The following METTL16 variants were observed in gnomAD, a reference collection of about 807,000 sequenced individuals.
METTL16 encodes the protein methyltransferase 16, RNA N6-adenosine.
In METTL16, 19 loss-of-function variants were observed where a neutral mutation model predicts 57.9. The observed-to-expected ratio is 0.33, with a 90% CI of 0.23 to 0.48. The LOEUF is 0.48. Ranked by LOEUF, METTL16 falls within the 20% of genes least tolerant of loss-of-function variation. The pLI, the probability that METTL16 is intolerant of heterozygous loss-of-function variation, is 0.99. For synonymous variants in METTL16, 246 were observed against 255.6 expected (o/e 0.96, Z 0.36); for missense variants, 434 against 691.5 (o/e 0.63, Z 4.18).
chr17:2,437,774 T>G (rs1303970425), intron 8 of METTL16, among the ~76,000 whole-genome samples: 4 of 152,192 alleles, frequency 2.6e-5, no homozygotes, highest in Non-Finnish European at 5.9e-5. Context: ...GGTCTCAAAC[T>G]CCTGGCCTCA....
At chr17:2,474,401 A>AAG (rs2067255970) in intron 3 of METTL16, among the ~76,000 whole-genome samples, 2 of 151,156 alleles carry the variant, frequency 1.3e-5, no homozygotes, top group African/African-American at 4.9e-5. Flanking sequence ...AAAAAAAAAA[A>AAG]AAAAAAGCTA....
intron 2 of METTL16, among the ~76,000 whole-genome samples, chr17:2,481,942 CTG>C (rs2067309969): frequency 1.3e-5 from 2 of 152,098 alleles, no homozygotes; most frequent in African/African-American, 4.8e-5. Flanking sequence ...GTACATGAGG[CTG>C]CTTTTAGATG....
intron 7 of METTL16, among the ~76,000 whole-genome samples, chr17:2,439,485 TG>T (rs893403426): frequency 2.0e-5 from 3 of 152,040 alleles, no homozygotes; most frequent in African/African-American, 4.8e-5. Flanking sequence ...GTCATCCTAG[TG>T]GGAAGCACAG....
intron 2 of METTL16, among the ~76,000 whole-genome samples, chr17:2,500,804 A>AT (rs1404493040): frequency 6.6e-6 from 1 of 152,084 alleles, no homozygotes; most frequent in Non-Finnish European, 1.5e-5. Flanking sequence ...TGAAACACTT[A>AT]TACTATTATT....
intron 8 of METTL16, among the ~76,000 whole-genome samples, chr17:2,426,338 C>G (rs894784169): frequency 6.6e-6 from 1 of 152,178 alleles, no homozygotes; most frequent in African/African-American, 2.4e-5. Context: ...ACTACAGGTG[C>G]ACATCACCAC....
At chr17:2,502,373 A>C in intron 1 of METTL16, 42 bp from the exon 2 acceptor site, 5 of 1,598,944 alleles carry the variant, frequency 3.1e-6, no homozygotes, top group Non-Finnish European at 4.3e-6. Flanking sequence ...CATATTTATT[A>C]AAAACCATTA....
intron 2 of METTL16, among the ~76,000 whole-genome samples, chr17:2,485,883 C>A (rs1275073704): frequency 1.3e-5 from 2 of 152,142 alleles, no homozygotes; most frequent in Non-Finnish European, 2.9e-5. Context: ...ACTACTGACC[C>A]CCCCTAATTA....
chr17:2,472,171 G>C (rs896604529), intron 4 of METTL16, among the ~76,000 whole-genome samples: 1 of 150,034 alleles, frequency 6.7e-6, no homozygotes, highest in African/African-American at 2.4e-5. Flanking sequence ...AAGATATACA[G>C]ATGGTAAATA....
chr17:2,425,965 CACATGT>C (rs1490541107), intron 8 of METTL16, among the ~76,000 whole-genome samples: 1 of 149,530 alleles, frequency 6.7e-6, no homozygotes, highest in East Asian at 2.0e-4. Flanking sequence ...AAGAAACTTT[CACATGT>C]GGTGTAGCTT....
chr17:2,443,901 G>T (rs781659601), intron 6 of METTL16, among the ~76,000 whole-genome samples: 1 of 152,198 alleles, frequency 6.6e-6, no homozygotes, highest in Non-Finnish European at 1.5e-5. Flanking sequence ...AAGGGAAGAT[G>T]TTGGTGGGAG....
chr17:2,457,477 C>A (rs2067119835), intron 6 of METTL16, among the ~76,000 whole-genome samples: 1 of 151,826 alleles, frequency 6.6e-6, no homozygotes, highest in African/African-American at 2.4e-5. Context: ...GAGGCCGAGG[C>A]AGGCGGATAA....
chr17:2,477,590 A>T, intron 3 of METTL16, 96 bp downstream of exon 3: 1 of 903,332 alleles, frequency 1.1e-6, no homozygotes, highest in Non-Finnish European at 1.8e-6. Flanking sequence ...CTTCTTTTGT[A>T]CAACAACAAA....
intron 3 of METTL16, among the ~76,000 whole-genome samples, chr17:2,477,242 T>G (rs920751039): frequency 4.0e-4 from 61 of 152,322 alleles, no homozygotes; most frequent in African/African-American, 1.3e-3. Flanking sequence ...ATTTTCATTT[T>G]GTACTTCCCT....
chr17:2,445,472 GT>G (rs2066988478), intron 6 of METTL16, among the ~76,000 whole-genome samples: 1 of 152,096 alleles, frequency 6.6e-6, no homozygotes, highest in African/African-American at 2.4e-5. Context: ...TATTTGTCAA[GT>G]AAAAATAAAA....
chr17:2,477,894 TAAAGA>T lies in METTL16; in HGVS notation c.129-14_129-10del. On this transcript the variant is annotated splice_polypyrimidine_tract_variant and intron_variant, in intron 2 of 9. Transcript: ENST00000263092. ...GGTCTTTAAAATTAAGGCTGAGGAA[TAAAGA>T]AAAGGAAGTAAAACTGATTAGTAAG... The T allele has an allele frequency of 6.2e-7, 1 of 1,610,018 alleles. No individual in the cohort carries two copies.
intron 5 of METTL16, among the ~76,000 whole-genome samples, chr17:2,464,870 C>CA (rs144842701): frequency 6.6e-6 from 1 of 152,148 alleles, no homozygotes; most frequent in Non-Finnish European, 1.5e-5. Context: ...TTGGATTAGG[C>CA]AACGGTTTCT....
intron 2 of METTL16, among the ~76,000 whole-genome samples, chr17:2,486,953 G>A (rs1188515339): frequency 3.4e-5 from 4 of 116,484 alleles, no homozygotes; most frequent in East Asian, 6.0e-4. Flanking sequence ...GCAGTGAGCC[G>A]AAATTGTACC....
At chr17:2,437,006 G>A (rs904258797) in intron 8 of METTL16, among the ~76,000 whole-genome samples, 2 of 150,678 alleles carry the variant, frequency 1.3e-5, no homozygotes, top group Non-Finnish European at 1.5e-5. Context: ...CTCAGCCTCC[G>A]CAGCAGCTGG....
chr17:2,447,642 C>A (rs2067014390), intron 6 of METTL16, among the ~76,000 whole-genome samples: 2 of 128,984 alleles, frequency 1.6e-5, no homozygotes, highest in African/African-American at 6.7e-5. Flanking sequence ...CTCTGCCCGG[C>A]CGCCCCTACT....
Sources: gnomAD v4.1 joint callset for allele counts (sites outside exome capture counted in the v4.1 genomes callset) on GRCh38, gnomAD v4.1.1 for gene constraint, MANE v1.5 for transcripts, NCBI Gene and HGNC (gene_info 2026-07-23, HGNC 2026-07-21) for gene names.